DIAPH1: variants seen among roughly 807,000 people sequenced by gnomAD.
DIAPH1 encodes the protein diaphanous related formin 1.
In DIAPH1, 46 loss-of-function variants were observed where a neutral mutation model predicts 140.7. The observed-to-expected ratio is 0.33, with a 90% confidence interval of 0.26 to 0.42. The LOEUF (loss-of-function observed/expected upper bound fraction) is 0.42. Among genes scored for constraint, DIAPH1 ranks in the 10% least tolerant of loss-of-function variants. The pLI, the probability that DIAPH1 is intolerant of heterozygous loss-of-function variation, is 1.00. For synonymous variants in DIAPH1, 565 were observed against 551.6 expected, an observed-to-expected ratio of 1.02 and a Z score of -0.34; for missense variants, 1,310 against 1,558.7, an observed-to-expected ratio of 0.84 and a Z score of 2.69.
intron 1 of DIAPH1, among the ~76,000 whole-genome samples, chr5:141,613,435 G>A (rs1159962696): frequency 6.6e-6 from 1 of 152,126 alleles, no homozygotes; most frequent in African/African-American, 2.4e-5. Flanking sequence ...TAAAGAAAAT[G>A]TAGAATCCAA....
chr5:141,534,892 C>A (rs6859379), intron 18 of DIAPH1, among the ~76,000 whole-genome samples: 25,744 of 152,126 alleles, frequency 0.17, 3,825 homozygotes, highest in African/African-American at 0.41. Context: ...CCCCTTCCAC[C>A]ATGTTATCCT....
intron 11 of DIAPH1, chr5:141,578,015 C>T: frequency 1.6e-6 from 1 of 628,002 alleles, no homozygotes; most frequent in Admixed American, 2.4e-5. Context: ...TGCTCAACAA[C>T]CCTCAGATCA....
rs905879678 is a variant in DIAPH1 at position 141,618,033 on chromosome 5, G to A, written c.117+765C>T. 3.3e-5 allele frequency among the ~76,000 whole-genome samples: 5 copies of A among 152,202 alleles called. 1 individual carries two copies. Among genetic ancestry groups the A allele is most frequent in the African/African-American group, 7.2e-5 (3 of 41,450 alleles). On this transcript the variant is annotated intron_variant, in intron 1 of 27. Coordinates refer to ENST00000389054, the MANE Select transcript of DIAPH1 (RefSeq NM_005219.5). ...GTCCAACTTTCTTCCCACAGGAGAG[G>A]TTTATCACCATCCTAGGTCAAGAAG...
At chr5:141,550,444 T>G (rs2099891517) in intron 18 of DIAPH1, 1 of 154,502 alleles carries the variant, frequency 6.5e-6, no homozygotes, top group Non-Finnish European at 1.5e-5. Flanking sequence ...CCTCTTTTTC[T>G]TTCTCCTAAG....
intron 1 of DIAPH1, among the ~76,000 whole-genome samples, chr5:141,597,795 G>A (rs1259889881): frequency 2.0e-5 from 3 of 152,170 alleles, no homozygotes; most frequent in Non-Finnish European, 4.4e-5. Context: ...TATGTTAACA[G>A]TTTTTTTCTT....
chr5:141,536,827 G>A (rs2099889093), intron 18 of DIAPH1, among the ~76,000 whole-genome samples: 2 of 152,148 alleles, frequency 1.3e-5, no homozygotes, highest in Admixed American at 1.3e-4. Context: ...TAGATGCAAT[G>A]AAGGGAAGAG....
chr5:141,539,431 T>C (rs868429629), intron 18 of DIAPH1, among the ~76,000 whole-genome samples: 2 of 79,534 alleles, frequency 2.5e-5, no homozygotes, highest in Non-Finnish European at 5.3e-5. Flanking sequence ...TTTTTTTTTG[T>C]TTTTTTTTTT....
chr5:141,549,739 T>C (rs575793406), intron 18 of DIAPH1, among the ~76,000 whole-genome samples: 2 of 152,190 alleles, frequency 1.3e-5, no homozygotes, highest in Admixed American at 6.5e-5. Context: ...TAAGCAAATA[T>C]ATAAATAACT....
Position 141,573,594 on chromosome 5 carries a change from T to A in DIAPH1, c.2256A>T (p.Pro752=), listed in dbSNP as rs1230613557. 7.4e-6 allele frequency: 12 copies of A among 1,613,170 alleles called. No individual in the cohort carries two copies. The highest frequency in any genetic ancestry group is 1.0e-5 in the Non-Finnish European group (12 of 1,179,694). The change falls in exon 16 of 28, where the codon CCA becomes CCT. Residue 752 remains proline, a synonymous_variant. Transcript: ENST00000389054. The part of the protein sequence containing the change: ...PPGMGMPPPP[P]FGFGVPAAPV... Reference sequence around the variant, plus strand: ...GGGCTGCAGGAACTCCAAATCCAAATGGGGGAGGTGGAGGCATACCCATTC... The same window carrying A: ...GGGCTGCAGGAACTCCAAATCCAAAAGGGGGAGGTGGAGGCATACCCATTC...
chr5:141,567,654 C>G (rs1596373539), intron 18 of DIAPH1, among the ~76,000 whole-genome samples: 2 of 152,172 alleles, frequency 1.3e-5, no homozygotes, highest in Non-Finnish European at 2.9e-5. Context: ...GTTAAAGCTG[C>G]AGAAGCTACA....
At chr5:141,572,624 A>AC (rs774836028) in intron 16 of DIAPH1, among the ~76,000 whole-genome samples, 28 of 152,106 alleles carry the variant, frequency 1.8e-4, no homozygotes, top group Non-Finnish European at 3.5e-4. Context: ...ACATGGTGAA[A>AC]CCCCATCTCT....
chr5:141,534,473 G>A, intron 18 of DIAPH1, 40 bp from the exon 19 acceptor site: 1 of 1,549,598 alleles, frequency 6.5e-7, no homozygotes, highest in Non-Finnish European at 8.9e-7. Flanking sequence ...TTAAAAGTAA[G>A]CCACCTCTGT....
At chr5:141,578,670 A>T in intron 9 of DIAPH1, 45 bp from the exon 10 acceptor site, 1 of 1,423,964 alleles carries the variant, frequency 7.0e-7, no homozygotes, top group Non-Finnish European at 9.9e-7. Flanking sequence ...TAACTCCTGG[A>T]GATCAAGAAT....
In DIAPH1 at chr5:141,578,525, T is replaced by C. The variant is rs1359843007; in HGVS notation, c.1034A>G (p.Gln345Arg). 6.2e-7 allele frequency: 1 copy of C among 1,613,590 alleles called. No homozygotes were observed. Among genetic ancestry groups the C allele is most frequent in the Non-Finnish European group, 8.5e-7 (1 of 1,179,622 alleles). The change falls in exon 10 of 28, where the codon CAG becomes CGG. Residue 345 changes from glutamine (Q) to arginine (R), a missense_variant. This residue lies in a region of DIAPH1 where 377 missense variants were observed against 497.1 expected (regional missense o/e 0.76). Coordinates refer to ENST00000389054, the MANE Select transcript of DIAPH1 (RefSeq NM_005219.5). The part of the protein sequence containing the change: ...RSELMRLGLH[Q>R]VLQDLREIEN... Reference sequence around the variant, plus strand: ...AGTGTAATATCTTACCTGCAACACCTGATGTAGCCCCAAACGCATCAGTTC... The same window carrying C: ...AGTGTAATATCTTACCTGCAACACCCGATGTAGCCCCAAACGCATCAGTTC...
chr5:141,589,935 G>A (rs1035774597), intron 1 of DIAPH1, among the ~76,000 whole-genome samples: 14 of 148,458 alleles, frequency 9.4e-5, no homozygotes, highest in Non-Finnish European at 1.8e-4. Flanking sequence ...TTTTTTTAAA[G>A]AGACGGGGTC....
chr5:141,526,361 T>C lies in DIAPH1; in HGVS notation c.3374A>G (p.Asp1125Gly), dbSNP rs1490710264. 1.9e-6 allele frequency: 3 copies of C among 1,613,958 alleles called. No homozygotes were observed. In the African/African-American group the frequency reaches 4.0e-5, roughly 22 times the overall value. ...TTCTTCAACAGACAACTTCTTGGGG[T>C]CAAAGAGGAAGTACTCGCCCAGCTC... is the stretch of plus-strand genomic sequence containing the variant. ...YKELGEYFLF[D>G]PKKLSVEEFF... The change falls in exon 25 of 28, where the codon GAC becomes GGC. Residue 1125 changes from aspartate to glycine, a missense_variant. Physicochemically the swap from Asp to Gly is moderately conservative, Grantham distance 94. Transcript: ENST00000389054.
intron 18 of DIAPH1, among the ~76,000 whole-genome samples, chr5:141,549,041 C>T (rs997691026): frequency 6.6e-6 from 1 of 151,904 alleles, no homozygotes; most frequent in Admixed American, 6.6e-5. Context: ...TCATGAAAAT[C>T]AAACAGAAAA....
intron 7 of DIAPH1, chr5:141,582,059 CAA>C (rs70991705): frequency 0.055 from 4,311 of 78,018 alleles, no homozygotes; most frequent in South Asian, 0.09. Context: ...GACTCCATCT[CAA>C]AAAAAAAAAA....
At chr5:141,524,851 C>T (rs2099887074) in intron 26 of DIAPH1, 1 of 156,938 alleles carries the variant, frequency 6.4e-6, no homozygotes, top group Non-Finnish European at 1.4e-5. Flanking sequence ...CCCAAAAAGT[C>T]CATAGGCTGC....
Sources: gnomAD v4.1 joint callset for allele counts (sites outside exome capture counted in the v4.1 genomes callset) on GRCh38, gnomAD v4.1.1 for gene constraint, gnomAD v4.1.1 regional missense constraint, MANE v1.5 for transcripts, NCBI Gene and HGNC (gene_info 2026-07-23, HGNC 2026-07-21) for gene names.